Variants in INTS1 observed in about 807,000 individuals in gnomAD.
INTS1 encodes integrator complex subunit 1.
INTS1 carries 137 observed loss-of-function variants against 241.6 expected under a neutral mutation model. The ratio of observed to expected loss-of-function variants is 0.57; its 90% CI spans 0.49 to 0.65. INTS1 has a LOEUF of 0.65. INTS1 is among the 30% of genes least tolerant of loss of function. INTS1 has a pLI of 0.00. For synonymous variants in INTS1, 1,692 were observed against 1,337.8 expected, an observed-to-expected ratio of 1.26 and a Z score of -5.78; for missense variants, 3,073 against 3,032.2, an observed-to-expected ratio of 1.01 and a Z score of -0.32.
chr7:1,472,449 C>G, intron 43 of INTS1, 63 bp from the exon 44 acceptor site: 2 of 1,177,892 alleles, frequency 1.7e-6, no homozygotes, highest in South Asian at 1.5e-5. Flanking sequence ...ACTGAGGCAC[C>G]AGGACCTGCC....
rs2128534288 is a variant in INTS1 at position 1,477,589 on chromosome 7, G to A, written c.4899C>T (p.Cys1633=). ...AGAGCAGCCTGAGCTGCAGGTCGGG[G>A]CAGCTGCTGACCACCTCGGGGTCCA... ...EMLDPEVVSS[C]PDLQLRLLFS... is the part of the protein sequence containing the mutation. The change falls in exon 35 of 48, where the codon TGC becomes TGT. Residue 1633 remains cysteine (C), a synonymous_variant. Transcript: ENST00000404767. 6.4e-7 allele frequency: 1 copy of A among 1,559,852 alleles called. No individual in the cohort carries two copies. The highest frequency in any genetic ancestry group is 8.7e-7 in the Non-Finnish European group (1 of 1,154,108).
chr7:1,499,388 A>G, intron 6 of INTS1, 28 bp from the exon 7 acceptor site: 6 of 1,558,700 alleles, frequency 3.8e-6, no homozygotes, highest in Non-Finnish European at 5.2e-6. Context: ...GGCTCCATGC[A>G]GCGCCTCCCA....
At chr7:1,502,477 T>C (rs1783233617) in intron 3 of INTS1, among the ~76,000 whole-genome samples, 1 of 152,120 alleles carries the variant, frequency 6.6e-6, no homozygotes. Flanking sequence ...CTCTTCTCTG[T>C]TGGTAACCAG....
At chr7:1,485,847 G>A (rs1017816752) in intron 22 of INTS1, among the ~76,000 whole-genome samples, 4 of 152,212 alleles carry the variant, frequency 2.6e-5, no homozygotes, top group African/African-American at 9.7e-5. Context: ...TCATTCTGTT[G>A]CCTAGGCTGG....
In INTS1 at chr7:1,486,196, A is replaced by G. The variant is rs10277145; in HGVS notation, c.2976+429T>C. ...AGTGATGCTCCCACCTCGGCCTCCC[A>G]AAGTGCTGGGATGACAAGAGCAAGC... On this transcript the variant is annotated intron_variant, in intron 22 of 47. Transcript: ENST00000404767. Among the ~76,000 whole-genome samples, 386 of 152,110 alleles carry G rather than the reference A, an allele frequency of 2.5e-3. 3 individuals carry two copies. The highest frequency in any genetic ancestry group is 8.8e-3 in the African/African-American group (365 of 41,476).
rs1304501014 is a variant in INTS1, at chr7:1,475,836, G to T, written c.5502+112C>A. 2.2e-6 allele frequency: 3 copies of T among 1,339,864 alleles called. No individual in the cohort carries two copies. The African/African-American group carries it at 4.4e-5, about 19-fold the overall frequency. The allele number at this position is 1,339,864 out of a possible 1,614,324, so 83.0% of individuals were successfully genotyped here. ...CCACAGGGCGGCGCGGACTGGGAAGGGGCAAGAGGGGTAGCCGGCGATGGC... is the reference window on the plus strand; with the variant it reads ...CCACAGGGCGGCGCGGACTGGGAAGTGGCAAGAGGGGTAGCCGGCGATGGC... On this transcript the variant is annotated intron_variant, in intron 39 of 47. Coordinates refer to ENST00000404767, the MANE Select transcript of INTS1 (RefSeq NM_001080453.3).
rs150897764 is a variant in INTS1 at position 1,486,447 on chromosome 7, T to C, written c.2976+178A>G. On this transcript the variant is annotated intron_variant, in intron 22 of 47. Coordinates refer to ENST00000404767, the MANE Select transcript of INTS1 (RefSeq NM_001080453.3). ...CCCAGCTAATTTTTTCTATTTTTAA[T>C]AGAGACGGGATTTCACCATGTTGGC... Among the ~76,000 whole-genome samples the C allele has an allele frequency of 3.1e-3, 465 of 151,818 alleles. 2 individuals are homozygous for C. Among genetic ancestry groups the C allele is most frequent in the African/African-American group, 0.011 (439 of 41,406 alleles).
chr7:1,476,011 C>T lies in INTS1; in HGVS notation c.5439G>A (p.Leu1813=), dbSNP rs1049050754. ...LLQLYLQRPE[L]RVPVPEVLLH... ...GTAGGACCTCAGGCACGGGCACCCG[C>T]AGCTCCGGCCGCTGTAGGTAGAGCT... Residue 1813 remains leucine, a synonymous_variant, in exon 39 of 48, where the codon CTG becomes CTA. Transcript: ENST00000404767. 1.9e-6 allele frequency: 3 copies of T among 1,545,982 alleles called. No homozygotes were observed. Among genetic ancestry groups the T allele is most frequent in the African/African-American group, 2.7e-5 (2 of 73,160 alleles).
Position 1,477,837 on chromosome 7 carries a change from C to T in INTS1, c.4730G>A (p.Cys1577Tyr). Residue 1577 changes from cysteine (C) to tyrosine (Y), a missense_variant, in exon 34 of 48, where the codon TGT becomes TAT. Transcript: ENST00000404767. ...TADAASPFPACKPVVVVSSLL... is the reference protein window; with the variant it reads ...TADAASPFPAYKPVVVVSSLL... The stretch of plus-strand genomic sequence containing the variant: ...GGAGCTCACCACCACAACGGGCTTA[C>T]AGGCTGGAAACGGGGAGGCAGCATC... The T allele has an allele frequency of 2.5e-6, 4 of 1,612,622 alleles. No homozygotes were observed. The highest frequency in any genetic ancestry group is 1.7e-6 in the Non-Finnish European group (2 of 1,179,842).
Position 1,497,920 on chromosome 7 carries a change from G to C in INTS1, c.1425+492C>G, listed in dbSNP as rs959142337. Among the ~76,000 whole-genome samples the C allele has an allele frequency of 6.6e-6, 1 of 152,228 alleles. No homozygotes were observed. Among genetic ancestry groups the C allele is most frequent in the Non-Finnish European group, 1.5e-5 (1 of 68,042 alleles). ...CTTAACCGAGGGACCCAATGCACAG[G>C]AGGCGGGTCTGGGCCAGGCACAGGG... On this transcript the variant is annotated intron_variant, in intron 10 of 47. Transcript: ENST00000404767. This position sits in a 1 kb window ranked among gnomAD's most constrained non-coding sequence, Gnocchi z 5.3.
At position 1,474,453 on chromosome 7, in the gene INTS1, G is replaced by C. The variant is rs1781619724; in HGVS notation, c.5637-93C>G. The C allele has an allele frequency of 3.0e-6, 4 of 1,338,336 alleles. No individual in the cohort carries two copies. The East Asian group carries it at 1.0e-4, about 35-fold the overall frequency. The allele number at this position is 1,338,336 out of a possible 1,614,324, so 82.9% of individuals were successfully genotyped here. On this transcript the variant is annotated intron_variant, in intron 40 of 47. Transcript: ENST00000404767. ...GCCCCACTGCCTGCCCCGGGAGCCAGACCCCGTGCTGCCCCCCAACCACCC... is the reference window on the plus strand; with the variant it reads ...GCCCCACTGCCTGCCCCGGGAGCCACACCCCGTGCTGCCCCCCAACCACCC...
chr7:1,503,833 G>C (rs1014826035), intron 2 of INTS1, 70 bp downstream of exon 2: 1 of 831,672 alleles, frequency 1.2e-6, no homozygotes, highest in Admixed American at 2.9e-5. Context: ...ATCCGCGGCA[G>C]CTGAGATCCC....
intron 33 of INTS1, among the ~76,000 whole-genome samples, 180 bp downstream of exon 33, chr7:1,478,186 G>A (rs1781819197): frequency 6.6e-6 from 1 of 152,178 alleles, no homozygotes; most frequent in Non-Finnish European, 1.5e-5. Flanking sequence ...CAAGGAGGAA[G>A]CTCCAACTCA....
rs1447753595 is a variant in INTS1, at chr7:1,486,984, C to A, written c.2764G>T (p.Ala922Ser). 1 of 1,608,216 alleles carries A rather than the reference C, an allele frequency of 6.2e-7. No homozygotes were observed. The highest frequency in any genetic ancestry group is 1.7e-4 in the Middle Eastern group (1 of 6,060). ...EFLLHDAVDDAASGEEDDEGE... is the reference protein window; with the variant it reads ...EFLLHDAVDDSASGEEDDEGE... ...TCGTCGTCCTCCTCCCCGGAAGCAGCATCGTCCACAGCATCGTGCAGCAGG... is the reference window on the plus strand; with the variant it reads ...TCGTCGTCCTCCTCCCCGGAAGCAGAATCGTCCACAGCATCGTGCAGCAGG... The change falls in exon 21 of 48, where the codon GCT becomes TCT. Residue 922 changes from alanine to serine, a missense_variant. By Grantham distance (99) the Ala-to-Ser change is moderately conservative (BLOSUM62 1). Transcript: ENST00000404767.
At position 1,493,887 on chromosome 7, in the gene INTS1, C is replaced by G; in HGVS notation, c.1935G>C (p.Glu645Asp). Reference protein sequence around the residue: ...DRNFFLRLCSEVPILEDTLMR... With the variant: ...DRNFFLRLCSDVPILEDTLMR... ...TCAGCGTGTCCTCCAAAATGGGCACCTCGGAGCACAGACGCAGGAAGAAGC... is the reference window on the plus strand; with the variant it reads ...TCAGCGTGTCCTCCAAAATGGGCACGTCGGAGCACAGACGCAGGAAGAAGC... The change falls in exon 15 of 48, where the codon GAG becomes GAC. Residue 645 changes from glutamate (E) to aspartate (D), a missense_variant. Transcript: ENST00000404767. This position sits in a 1 kb window ranked among gnomAD's most constrained non-coding sequence, Gnocchi z 5.3. 1 of 1,563,362 alleles carries G rather than the reference C, an allele frequency of 6.4e-7. No individual in the cohort carries two copies. The highest frequency in any genetic ancestry group is 8.7e-7 in the Non-Finnish European group (1 of 1,154,524).
At chr7:1,488,937 C>T (rs528617390) in intron 18 of INTS1, among the ~76,000 whole-genome samples, 44 of 152,318 alleles carry the variant, frequency 2.9e-4, no homozygotes, top group African/African-American at 1.0e-3. Context: ...GGCCCACTGG[C>T]CAGTGTTAAA....
intron 26 of INTS1, chr7:1,483,236 T>G (rs866954300): frequency 1.8e-5 from 4 of 228,172 alleles, no homozygotes; most frequent in Non-Finnish European, 3.5e-5. Flanking sequence ...GAGCAGTTCA[T>G]GGTGTCAGCC....
rs139722668 is a variant in INTS1, at chr7:1,483,549, G to A, written c.3541+193C>T. The A allele has an allele frequency of 3.5e-3, 2,203 of 629,958 alleles. 5 individuals are homozygous for A. The highest frequency in any genetic ancestry group is 4.9e-3 in the Non-Finnish European group (1,693 of 344,074). 39.0% of individuals were successfully genotyped at this position (629,958 alleles called of 1,614,324 possible). A position where few individuals can be genotyped will look rare whatever the true frequency, so the allele number is the denominator to read the frequency against. On this transcript the variant is annotated intron_variant, in intron 26 of 47. Transcript: ENST00000404767. ...CCCACCACGTGGGGATCTCCCACACGTCCACCAAGTGCTCAGAGACACGCG... is the reference window on the plus strand; with the variant it reads ...CCCACCACGTGGGGATCTCCCACACATCCACCAAGTGCTCAGAGACACGCG...
rs1265654552 is a variant in INTS1 at position 1,484,096 on chromosome 7, C to T, written c.3336G>A (p.Ala1112=). 2.5e-5 allele frequency: 41 copies of T among 1,612,398 alleles called. No homozygotes were observed. Among genetic ancestry groups the T allele is most frequent in the Admixed American group, 3.3e-5 (2 of 59,992 alleles). Residue 1112 remains alanine (A), a synonymous_variant, in exon 25 of 48, where the codon GCG becomes GCA. Coordinates refer to ENST00000404767, the MANE Select transcript of INTS1 (RefSeq NM_001080453.3). The part of the protein sequence containing the change: ...HLFSKLSPSA[A]SDAVLSALLS... ...ACAGAGCGCTCAGCACGGCGTCCGACGCGGCACTCGGGGAGAGCTTCGAGA... is the reference window on the plus strand; with the variant it reads ...ACAGAGCGCTCAGCACGGCGTCCGATGCGGCACTCGGGGAGAGCTTCGAGA...
Sources: allele counts gnomAD v4.1 joint callset (sites outside exome capture counted in the v4.1 genomes callset), GRCh38; gene constraint gnomAD v4.1.1; non-coding constraint Gnocchi (gnomAD v3.1); transcripts MANE v1.5; gene names NCBI Gene and HGNC (gene_info 2026-07-23, HGNC 2026-07-21).